Variants in PARP11 observed in about 807,000 individuals in gnomAD.
The protein encoded by PARP11 is protein mono-ADP-ribosyltransferase PARP11.
Under a neutral mutation model 42.9 loss-of-function variants are expected in PARP11, and 31 were observed. The observed-to-expected ratio is 0.72, with a 90% CI of 0.54 to 0.98. The LOEUF (loss-of-function observed/expected upper bound fraction) is 0.98, where lower values mean the gene tolerates loss of function less well. Among genes scored for constraint, PARP11 ranks in the 50% least tolerant of loss-of-function variants. The pLI is 0.00. For missense variants in PARP11, 365 were observed against 413.1 expected (o/e 0.88, Z 1.01); for synonymous variants, 137 against 127.3 (o/e 1.08, Z -0.51).
chr12:3,860,837 T>C (rs1367078808), intron 1 of PARP11, among the ~76,000 whole-genome samples: 1 of 152,114 alleles, frequency 6.6e-6, no homozygotes, highest in East Asian at 1.9e-4. Flanking sequence ...ACACCACGTC[T>C]GGCCAATTAA....
chr12:3,841,801 A>G, intron 1 of PARP11: 1 of 1,609,822 alleles, frequency 6.2e-7, no homozygotes, highest in Non-Finnish European at 8.5e-7. Flanking sequence ...TCCAGTAATG[A>G]GGCAGAATAT....
In PARP11 at chr12:3,810,879, T is replaced by C. The variant is rs1276803004; in HGVS notation, c.*1244A>G. On this transcript the variant is annotated 3_prime_UTR_variant, in exon 8 of 8. Transcript: ENST00000228820. ...AAGAGGAGAAAAGGAAGAAAATCAATGTGAGAGACTCTTCACCATCACATG... is the reference window on the plus strand; with the variant it reads ...AAGAGGAGAAAAGGAAGAAAATCAACGTGAGAGACTCTTCACCATCACATG... 1.3e-5 allele frequency: 2 copies of C among 152,002 alleles called. No homozygotes were observed. Among genetic ancestry groups the C allele is most frequent in the Non-Finnish European group, 2.9e-5 (2 of 68,026 alleles). The allele number at this position is 152,002 out of a possible 1,614,324, so 9.4% of individuals were successfully genotyped here.
At chr12:3,822,776 T>C (rs909526177) in intron 4 of PARP11, among the ~76,000 whole-genome samples, 4 of 152,074 alleles carry the variant, frequency 2.6e-5, no homozygotes, top group African/African-American at 9.7e-5. Flanking sequence ...GTAAAGAAGA[T>C]TTTAGGCAAA....
chr12:3,836,593 G>T (rs186490518), intron 1 of PARP11, among the ~76,000 whole-genome samples: 2 of 152,316 alleles, frequency 1.3e-5, no homozygotes, highest in African/African-American at 4.8e-5. Context: ...TCTCTTGACT[G>T]ATTTACAAGT....
chr12:3,823,733 G>A (rs949454670), intron 4 of PARP11, among the ~76,000 whole-genome samples: 1 of 152,062 alleles, frequency 6.6e-6, no homozygotes, highest in Non-Finnish European at 1.5e-5. Context: ...CTGGGCAACA[G>A]AGTGAAACCC....
intron 1 of PARP11, among the ~76,000 whole-genome samples, chr12:3,854,593 T>C (rs994432266): frequency 4.6e-5 from 7 of 151,982 alleles, no homozygotes; most frequent in African/African-American, 1.5e-4. Context: ...CAGGAAGAGG[T>C]TGAATCCCTG....
intron 4 of PARP11, among the ~76,000 whole-genome samples, chr12:3,822,849 T>C (rs1243050738): frequency 6.6e-6 from 1 of 152,174 alleles, no homozygotes; most frequent in Non-Finnish European, 1.5e-5. Context: ...ATTTATATTG[T>C]CTATTGAATA....
At chr12:3,847,549 C>G (rs1217430378) in intron 1 of PARP11, among the ~76,000 whole-genome samples, 1 of 152,106 alleles carries the variant, frequency 6.6e-6, no homozygotes, top group African/African-American at 2.4e-5. Flanking sequence ...CAGATCACAA[C>G]AACAGAGAAC....
intron 1 of PARP11, among the ~76,000 whole-genome samples, chr12:3,857,613 T>C (rs1308054967): frequency 6.6e-6 from 1 of 151,818 alleles, no homozygotes; most frequent in East Asian, 1.9e-4. Flanking sequence ...AAGGAGTAAA[T>C]TTCTTACCAG....
chr12:3,873,052 A>G (rs1211728385), intron 1 of PARP11, among the ~76,000 whole-genome samples, 160 bp downstream of exon 1: 1 of 152,248 alleles, frequency 6.6e-6, no homozygotes, highest in Non-Finnish European at 1.5e-5. Flanking sequence ...ACTGCTTAAA[A>G]AGGTACAGAC....
chr12:3,823,733 GAGT>G (rs1947454830), intron 4 of PARP11, among the ~76,000 whole-genome samples: 1 of 152,062 alleles, frequency 6.6e-6, no homozygotes, highest in Non-Finnish European at 1.5e-5. Flanking sequence ...CTGGGCAACA[GAGT>G]GAAACCCCAT....
In PARP11 at chr12:3,841,587, C is replaced by T. The variant is rs1181321384; in HGVS notation, c.19-11569G>A. On this transcript the variant is annotated intron_variant, in intron 1 of 7. Transcript: ENST00000228820. ...CTCCATCTCAGGTGTCTGAAAGTCA[C>T]GGACAATTGTCTTACCAGGCTGATC... The T allele has an allele frequency of 6.2e-6, 10 of 1,611,994 alleles. No homozygotes were observed. The East Asian group carries it at 1.3e-4, about 22-fold the overall frequency.
At chr12:3,841,285 C>T in intron 1 of PARP11, 1 of 1,318,234 alleles carries the variant, frequency 7.6e-7, no homozygotes, top group Admixed American at 1.7e-5. Context: ...CTTCTTCAAT[C>T]TTGGTGTGAA....
At chr12:3,847,442 T>G (rs1948025678) in intron 1 of PARP11, among the ~76,000 whole-genome samples, 1 of 151,718 alleles carries the variant, frequency 6.6e-6, no homozygotes, top group Admixed American at 6.6e-5. Context: ...AAAACTGAAT[T>G]CAACAACACA....
chr12:3,835,076 C>T (rs917334399), intron 1 of PARP11, among the ~76,000 whole-genome samples: 2 of 152,116 alleles, frequency 1.3e-5, no homozygotes, highest in Non-Finnish European at 2.9e-5. Flanking sequence ...AGGTTGGGCC[C>T]TCTCAGGAAC....
intron 6 of PARP11, 120 bp from the exon 7 acceptor site, chr12:3,814,308 T>C (rs774693602): frequency 5.8e-6 from 4 of 693,102 alleles, no homozygotes; most frequent in Non-Finnish European, 8.3e-6. Flanking sequence ...TTAATATAAA[T>C]AACAAGTGGA....
At chr12:3,833,992 C>T (rs1947703914) in intron 1 of PARP11, among the ~76,000 whole-genome samples, 1 of 152,138 alleles carries the variant, frequency 6.6e-6, no homozygotes, top group Non-Finnish European at 1.5e-5. Flanking sequence ...TCTCTCTTTC[C>T]CTACACAGCC....
intron 1 of PARP11, among the ~76,000 whole-genome samples, chr12:3,838,858 G>A (rs1028114767): frequency 2.0e-5 from 3 of 152,288 alleles, no homozygotes; most frequent in South Asian, 2.1e-4. Context: ...GCGCGCGGGG[G>A]ACGCAGGCCC....
intron 1 of PARP11, among the ~76,000 whole-genome samples, chr12:3,864,197 CAT>C (rs1480428388): frequency 3.3e-5 from 5 of 152,232 alleles, no homozygotes; most frequent in African/African-American, 1.2e-4. Flanking sequence ...GGAATCACCA[CAT>C]AGTTTTTCAT....
Sources: gnomAD v4.1 joint callset for allele counts (sites outside exome capture counted in the v4.1 genomes callset) on GRCh38, gnomAD v4.1.1 for gene constraint, MANE v1.5 for transcripts, NCBI Gene and HGNC (gene_info 2026-07-23, HGNC 2026-07-21) for gene names.